MTHFD1: variants seen among roughly 807,000 people sequenced by gnomAD.
MTHFD1 encodes C-1-tetrahydrofolate synthase, cytoplasmic.
A neutral mutation model predicts 110.3 loss-of-function variants in MTHFD1; 44 were observed. The observed-to-expected ratio is 0.40, with a 90% confidence interval of 0.31 to 0.51. The LOEUF (loss-of-function observed/expected upper bound fraction) is 0.51. MTHFD1 is among the 20% of genes least tolerant of loss of function. MTHFD1 has a pLI of 0.60. For missense variants in MTHFD1, 909 were observed against 1,173.1 expected (o/e 0.77, Z 3.29); for synonymous variants, 402 against 428.8 (o/e 0.94, Z 0.77).
chr14:64,442,199 G>A, intron 20 of MTHFD1, 34 bp downstream of exon 20: 1 of 1,612,964 alleles, frequency 6.2e-7, no homozygotes, highest in Non-Finnish European at 8.5e-7. Flanking sequence ...TGAATAGACT[G>A]TATGTTTCTT....
intron 8 of MTHFD1, chr14:64,423,012 C>A (rs767906337): frequency 6.6e-6 from 1 of 152,094 alleles, no homozygotes; most frequent in African/African-American, 2.4e-5. Context: ...AACATTAACA[C>A]GTAGAAATAG....
chr14:64,432,936 T>G (rs1457418420), intron 15 of MTHFD1, among the ~76,000 whole-genome samples: 1 of 152,108 alleles, frequency 6.6e-6, no homozygotes, highest in Non-Finnish European at 1.5e-5. Context: ...TTTTATTTTA[T>G]TTTTTTGTAG....
At chr14:64,397,464 T>C (rs1235165370) in intron 1 of MTHFD1, among the ~76,000 whole-genome samples, 1 of 151,932 alleles carries the variant, frequency 6.6e-6, no homozygotes, top group East Asian at 2.0e-4. Context: ...GGCTGATTTT[T>C]CGTATTTTTT....
At chr14:64,422,623 C>A (rs2078083600) in intron 8 of MTHFD1, among the ~76,000 whole-genome samples, 1 of 152,064 alleles carries the variant, frequency 6.6e-6, no homozygotes, top group South Asian at 2.1e-4. Flanking sequence ...TAATGCAATC[C>A]AGTCTCAACC....
At chr14:64,438,103 C>A (rs986182295) in intron 16 of MTHFD1, among the ~76,000 whole-genome samples, 1 of 152,160 alleles carries the variant, frequency 6.6e-6, no homozygotes, top group African/African-American at 2.4e-5. Context: ...GAACTTTTGA[C>A]CTCAGGTGAT....
chr14:64,428,588 C>T (rs1321445371), intron 12 of MTHFD1, among the ~76,000 whole-genome samples: 7 of 141,830 alleles, frequency 4.9e-5, no homozygotes, highest in African/African-American at 1.8e-4. Flanking sequence ...CAGTCTCGCT[C>T]TGTTGCCTGG....
intron 26 of MTHFD1, among the ~76,000 whole-genome samples, chr14:64,455,909 A>T (rs983534029): frequency 1.3e-5 from 2 of 152,204 alleles, no homozygotes; most frequent in East Asian, 3.9e-4. Flanking sequence ...TTAGCTCTCT[A>T]TAGAGAGCAG....
At chr14:64,405,885 G>A (rs1435302741) in intron 2 of MTHFD1, among the ~76,000 whole-genome samples, 1 of 151,926 alleles carries the variant, frequency 6.6e-6, no homozygotes, top group African/African-American at 2.4e-5. Flanking sequence ...GGACAAGAGT[G>A]TTTTAGATGT....
chr14:64,393,213 A>G (rs2077820601), intron 1 of MTHFD1, among the ~76,000 whole-genome samples: 1 of 152,182 alleles, frequency 6.6e-6, no homozygotes, highest in Non-Finnish European at 1.5e-5. Flanking sequence ...CAGCCTGACT[A>G]ACATGGTGAA....
At chr14:64,425,305 C>T (rs1289540958) in intron 9 of MTHFD1, among the ~76,000 whole-genome samples, 1 of 151,370 alleles carries the variant, frequency 6.6e-6, no homozygotes, top group Non-Finnish European at 1.5e-5. Flanking sequence ...CTCCATCTCC[C>T]TGATTCAAGT....
Position 64,442,395 on chromosome 14 carries a change from G to A in MTHFD1, c.2129G>A (p.Gly710Asp), listed in dbSNP as rs2078256442. 4 of 1,613,962 alleles carry A rather than the reference G, an allele frequency of 2.5e-6. No individual in the cohort carries two copies. Among genetic ancestry groups the A allele is most frequent in the African/African-American group, 1.3e-5 (1 of 74,940 alleles). The change falls in exon 21 of 28, where the codon GGC becomes GAC. Residue 710 changes from glycine to aspartate, a missense_variant. Gly to Asp is a moderately conservative substitution (Grantham distance 94, BLOSUM62 -1). Around this residue, in one of 3 missense-constraint regions of MTHFD1, gnomAD observed 482 missense variants for 646.0 expected, o/e 0.75. Transcript: ENST00000652337. ...AGGGCTCTCAAGATGCACGGGGGCG[G>A]CCCCACGGTGAGTGGTGGGTTGAAG... The part of the protein sequence containing the change: ...TVRALKMHGG[G>D]PTVTAGLPLP...
At chr14:64,449,648 A>G in intron 24 of MTHFD1, 26 bp downstream of exon 24, 1 of 1,612,656 alleles carries the variant, frequency 6.2e-7, no homozygotes, top group Non-Finnish European at 8.5e-7. Flanking sequence ...TCTGCAAAAA[A>G]AGAAAAAAGA....
Position 64,400,796 on chromosome 14 carries a change from A to G in MTHFD1, c.45A>G (p.Gln15=). 1.2e-6 allele frequency: 2 copies of G among 1,612,732 alleles called. No homozygotes were observed. Among genetic ancestry groups the G allele is most frequent in the Non-Finnish European group, 1.7e-6 (2 of 1,178,870 alleles). ...EILNGKEISA[Q]IRARLKNQVT... is the part of the protein sequence containing the mutation. ...CCACCCTTTCCTTTTTCTCTAGGCA[A>G]ATAAGGGCGAGACTGAAAAATCAAG... Residue 15 remains glutamine (Q), a synonymous_variant, in exon 2 of 28, where the codon CAA becomes CAG. Transcript: ENST00000652337.
intron 1 of MTHFD1, among the ~76,000 whole-genome samples, chr14:64,394,401 T>C (rs1486129469): frequency 1.3e-5 from 2 of 152,148 alleles, no homozygotes; most frequent in East Asian, 3.9e-4. Context: ...CCCTGAGGCC[T>C]TTCCATTGTG....
chr14:64,397,185 AT>A (rs2077863319), intron 1 of MTHFD1, among the ~76,000 whole-genome samples: 2 of 9,966 alleles, frequency 2.0e-4, no homozygotes, highest in East Asian at 1.0e-3. Flanking sequence ...ATATATATAT[AT>A]ATATAAAAAA....
chr14:64,408,742 G>C (rs976458489), intron 2 of MTHFD1, among the ~76,000 whole-genome samples: 2 of 152,184 alleles, frequency 1.3e-5, no homozygotes, highest in African/African-American at 4.8e-5. Flanking sequence ...CTTAAGCCCA[G>C]GTGTTTGAGA....
intron 15 of MTHFD1, among the ~76,000 whole-genome samples, chr14:64,432,781 C>T (rs932779968): frequency 2.4e-4 from 36 of 152,092 alleles, no homozygotes; most frequent in African/African-American, 7.7e-4. Context: ...TTTGAGACAG[C>T]GTCTCTCTCT....
At chr14:64,416,246 A>AAAAC (rs143248526) in intron 6 of MTHFD1, among the ~76,000 whole-genome samples, 23,792 of 148,848 alleles carry the variant, frequency 0.16, 2,423 homozygotes, top group Non-Finnish European at 0.23. Flanking sequence ...CTCTGTCTCT[A>AAAAC]AAATAAACAA....
intron 12 of MTHFD1, 44 bp from the exon 13 acceptor site, chr14:64,430,140 A>T: frequency 6.4e-7 from 1 of 1,569,440 alleles, no homozygotes; most frequent in Non-Finnish European, 8.8e-7. Flanking sequence ...AAGTCATTGG[A>T]GAAGCATGCT....
Sources: allele counts gnomAD v4.1 joint callset (sites outside exome capture counted in the v4.1 genomes callset), GRCh38; gene constraint gnomAD v4.1.1; regional missense constraint gnomAD v4.1.1; transcripts MANE v1.5; gene names NCBI Gene and HGNC (gene_info 2026-07-23, HGNC 2026-07-21).